The following MICAL2 variants were observed in gnomAD, a reference collection of about 807,000 sequenced individuals.
MICAL2 encodes [F-actin]-monooxygenase MICAL2.
MICAL2 carries 77 observed loss-of-function variants against 127.3 expected under a neutral mutation model. The observed-to-expected ratio is 0.60, with a 90% CI of 0.50 to 0.73. The LOEUF is 0.73. Among genes scored for constraint, MICAL2 ranks in the 30% least tolerant of loss-of-function variants. MICAL2 has a pLI of 0.00. For missense variants in MICAL2, 1,351 were observed against 1,434.4 expected, an observed-to-expected ratio of 0.94 and a Z score of 0.94; for synonymous variants, 570 against 551.1, an observed-to-expected ratio of 1.03 and a Z score of -0.48.
At chr11:12,354,605 T>C (rs4757387) in intron 33 of MICAL2, among the ~76,000 whole-genome samples, 138,015 of 152,106 alleles carry the variant, frequency 0.91, 62,639 homozygotes, top group East Asian at 0.93. Context: ...TGCACTCCAG[T>C]CCAGACGACA....
intron 7 of MICAL2, among the ~76,000 whole-genome samples, chr11:12,214,069 C>G (rs1855844875): frequency 6.6e-6 from 1 of 152,164 alleles, no homozygotes; most frequent in African/African-American, 2.4e-5. Flanking sequence ...AAATCCGTCC[C>G]TCCTGGGCTT....
chr11:12,279,342 G>A (rs1164927665), intron 1 of MICAL2, among the ~76,000 whole-genome samples: 1 of 152,162 alleles, frequency 6.6e-6, no homozygotes, highest in Non-Finnish European at 1.5e-5. Flanking sequence ...GAACATGAGG[G>A]GAAAGCAGGG....
chr11:12,280,975 C>A (rs1863764387), exon 2 of MICAL2: 1 of 399,208 alleles, frequency 2.5e-6, no homozygotes. Flanking sequence ...AGGGCTCCCA[C>A]ACAGAACCCT....
chr11:12,260,875 C>T (rs916419466), intron 26 of MICAL2: 10 of 985,328 alleles, frequency 1.0e-5, no homozygotes, highest in East Asian at 2.3e-4. Flanking sequence ...GACAAAGAAC[C>T]GTGGGGTTTC....
At position 12,213,289 on chromosome 11, in the gene MICAL2, G is replaced by C; in HGVS notation, c.726G>C (p.Ala242=). The C allele has an allele frequency of 1.2e-6, 2 of 1,613,032 alleles. No individual in the cohort carries two copies. The highest frequency in any genetic ancestry group is 1.7e-6 in the Non-Finnish European group (2 of 1,179,188). ...GAAAAGAATTCCGTGGGAAGCTGGCGATTGCCATCACCGCCAACTTCATAA... is the reference window on the plus strand; with the variant it reads ...GAAAAGAATTCCGTGGGAAGCTGGCCATTGCCATCACCGCCAACTTCATAA... ...FRRKEFRGKL[A]IAITANFINR... The change falls in exon 7 of 28, where the codon GCG becomes GCC. Residue 242 remains alanine (A), a synonymous_variant. Transcript: ENST00000683283.
At chr11:12,358,174 C>T in intron 34 of MICAL2, 2 of 987,160 alleles carry the variant, frequency 2.0e-6, no homozygotes, top group Admixed American at 2.7e-5. Flanking sequence ...AATTCATTTC[C>T]TTGTTTTCTC....
rs373845301 is a variant in MICAL2 at position 12,112,491 on chromosome 11, T to G, written c.-149+1765T>G. On this transcript the variant is annotated intron_variant, in intron 1 of 27. Coordinates refer to ENST00000683283, the MANE Select transcript of MICAL2 (RefSeq NM_001282663.2). ...GGCTTCTGGTATAGTCTAGGAGGAC[T>G]GTGTTAGCTGAAATAACCTCTACCT... Among the ~76,000 whole-genome samples the G allele has an allele frequency of 3.3e-5, 5 of 150,184 alleles. No homozygotes were observed. The South Asian group carries it at 1.1e-3, about 32-fold the overall frequency.
chr11:12,243,707 A>G (rs530687944), intron 20 of MICAL2, among the ~76,000 whole-genome samples: 2 of 152,304 alleles, frequency 1.3e-5, no homozygotes, highest in South Asian at 4.1e-4. Context: ...GGTAATTGGC[A>G]TCGGTGTCTG....
chr11:12,164,799 G>A (rs1364503367), intron 3 of MICAL2, among the ~76,000 whole-genome samples: 1 of 152,220 alleles, frequency 6.6e-6, no homozygotes, highest in Non-Finnish European at 1.5e-5. Flanking sequence ...TGTGAGGGAG[G>A]AGCAAATCCC....
chr11:12,150,469 G>T (rs1043478351), intron 2 of MICAL2, among the ~76,000 whole-genome samples: 1 of 151,984 alleles, frequency 6.6e-6, no homozygotes, highest in Non-Finnish European at 1.5e-5. Context: ...ACAAAACATA[G>T]GGGATCTTTG....
intron 1 of MICAL2, among the ~76,000 whole-genome samples, chr11:12,121,311 C>A (rs1432190810): frequency 6.6e-6 from 1 of 152,192 alleles, no homozygotes; most frequent in Non-Finnish European, 1.5e-5. Flanking sequence ...CCTCTGGGGG[C>A]TACTGCTGGA....
intron 1 of MICAL2, among the ~76,000 whole-genome samples, chr11:12,131,848 G>C (rs989358565): frequency 7.2e-5 from 11 of 152,158 alleles, no homozygotes; most frequent in African/African-American, 2.4e-4. Flanking sequence ...CCTACTCAGA[G>C]GGAAGTTGTA....
intron 6 of MICAL2, 121 bp from the exon 7 acceptor site, chr11:12,213,134 G>T: frequency 8.4e-7 from 1 of 1,186,164 alleles, no homozygotes; most frequent in Non-Finnish European, 1.2e-6. Context: ...GTCCACTAGA[G>T]ATCCAGAATC....
chr11:12,222,691 A>AC lies in MICAL2; in HGVS notation c.1400dup (p.Gly468ArgfsTer24), dbSNP rs770273264. On this transcript the variant is annotated frameshift_variant, in exon 11 of 28. Coordinates refer to ENST00000683283, the MANE Select transcript of MICAL2 (RefSeq NM_001282663.2). LOFTEE classifies it high-confidence loss of function. ...AAGAACTTTGAGCAGTACACGTTGG[A>AC]CCCAGGGACACGGTACCCAAACCTC... is the stretch of plus-strand genomic sequence containing the variant. The AC allele has an allele frequency of 1.2e-6, 2 of 1,614,174 alleles. No individual in the cohort carries two copies. The highest frequency in any genetic ancestry group is 2.2e-5 in the South Asian group (2 of 91,074).
At chr11:12,143,907 A>G (rs1852605470) in intron 2 of MICAL2, among the ~76,000 whole-genome samples, 2 of 152,188 alleles carry the variant, frequency 1.3e-5, no homozygotes, top group Non-Finnish European at 2.9e-5. Flanking sequence ...ATATCAGATC[A>G]TTAGAGTGGA....
intron 2 of MICAL2, among the ~76,000 whole-genome samples, chr11:12,160,496 C>T (rs1854655360): frequency 6.6e-6 from 1 of 152,198 alleles, no homozygotes; most frequent in African/African-American, 2.4e-5. Flanking sequence ...ATCCCCACCG[C>T]ACCTCCTCAC....
In MICAL2 at chr11:12,243,988, A is replaced by G. The variant is rs1264114240; in HGVS notation, c.2660A>G (p.Asn887Ser). The G allele has an allele frequency of 6.2e-7, 1 of 1,613,894 alleles. No homozygotes were observed. The highest frequency in any genetic ancestry group is 1.7e-5 in the Admixed American group (1 of 60,022). ...SMFGHGDFPQ[N>S]KLLSKGLSHT... ...TTCTTCTATTTCTGTTCTGTGCAGA[A>G]TAAACTACTCTCTAAAGGCCTGTCT... The change falls in exon 21 of 28, where the codon AAT (asparagine) becomes AGT (serine). Residue 887 changes from asparagine to serine, a missense_variant and splice_region_variant. Transcript: ENST00000683283.
At chr11:12,261,865 G>C in intron 26 of MICAL2, 1 of 985,968 alleles carries the variant, frequency 1.0e-6, no homozygotes, top group Non-Finnish European at 1.2e-6. Flanking sequence ...TCAGCATGGT[G>C]GGAGGAACCC....
At chr11:12,268,854 C>T (rs1863639194) in intron 24 of MICAL2, among the ~76,000 whole-genome samples, 1 of 152,022 alleles carries the variant, frequency 6.6e-6, no homozygotes, top group African/African-American at 2.4e-5. Flanking sequence ...AAAAAATTAG[C>T]CAGGCGTAGT....
Sources: allele counts gnomAD v4.1 joint callset (sites outside exome capture counted in the v4.1 genomes callset), GRCh38; gene constraint gnomAD v4.1.1; transcripts MANE v1.5; gene names NCBI Gene and HGNC (gene_info 2026-07-23, HGNC 2026-07-21).